Variants in NTM observed in about 807,000 individuals in gnomAD.
NTM encodes IgLON family member 2.
In NTM, 13 loss-of-function variants were observed where a neutral mutation model predicts 42.1. That is an observed-to-expected ratio of 0.31 (90% CI 0.20 to 0.49). The LOEUF is 0.49. Ranked by LOEUF, NTM falls within the 20% of genes least tolerant of loss-of-function variation. NTM has a pLI of 0.99. For missense variants in NTM, 373 were observed against 452.8 expected (o/e 0.82, Z 1.60); for synonymous variants, 187 against 179.2 (o/e 1.04, Z -0.35).
intron 4 of NTM, among the ~76,000 whole-genome samples, chr11:132,224,660 G>A (rs1566517303): frequency 1.3e-5 from 2 of 152,166 alleles, no homozygotes; most frequent in Admixed American, 6.5e-5. Flanking sequence ...CTCTCCATAG[G>A]CCAAGTCTTC....
At chr11:131,492,045 C>T (rs1454913110) in intron 1 of NTM, among the ~76,000 whole-genome samples, 1 of 152,162 alleles carries the variant, frequency 6.6e-6, no homozygotes, top group Non-Finnish European at 1.5e-5. Context: ...GGCATGGAGA[C>T]ATTCAAGAAT....
chr11:131,597,588 C>G (rs909131516), intron 1 of NTM, among the ~76,000 whole-genome samples: 2 of 152,182 alleles, frequency 1.3e-5, no homozygotes, highest in Non-Finnish European at 2.9e-5. Context: ...GCACTGCCCT[C>G]TACCCTTACC....
intron 4 of NTM, among the ~76,000 whole-genome samples, chr11:132,218,837 A>C (rs891783744): frequency 6.6e-6 from 1 of 152,126 alleles, no homozygotes; most frequent in Non-Finnish European, 1.5e-5. Flanking sequence ...GCTACTAACA[A>C]TGACTGCATT....
intron 1 of NTM, among the ~76,000 whole-genome samples, chr11:131,742,207 G>T (rs372963667): frequency 3.3e-5 from 5 of 152,250 alleles, no homozygotes; most frequent in Non-Finnish European, 5.9e-5. Context: ...AGCTGTGCAT[G>T]CACCCCTGAA....
intron 7 of NTM, among the ~76,000 whole-genome samples, chr11:132,321,362 G>C (rs1010685755): frequency 1.3e-4 from 20 of 152,262 alleles, no homozygotes; most frequent in Admixed American, 8.5e-4. Context: ...ACCAAGGCTC[G>C]AGAACTACGT....
Position 132,176,722 on chromosome 11 carries a change from GTTTTT to G in NTM, c.400+30228_400+30232del, listed in dbSNP as rs148699196. ...TCCTAGTTGAGTATACATGCCTAAA[GTTTTT>G]TTTTTTTTTTTTTTTTTTTAGACAG... On this transcript the variant is annotated intron_variant, in intron 3 of 8. Coordinates refer to ENST00000683400, the MANE Select transcript of NTM (RefSeq NM_001352005.2). 1.3e-4 allele frequency among the ~76,000 whole-genome samples: 11 copies of G among 82,014 alleles called. No individual in the cohort carries two copies. The Middle Eastern group carries it at 0.042, about 311-fold the overall frequency. The allele number at this position is 82,014 out of a possible 152,430, so 53.8% of individuals were successfully genotyped here.
At chr11:132,304,314 G>A (rs2094990113) in intron 4 of NTM, among the ~76,000 whole-genome samples, 1 of 152,012 alleles carries the variant, frequency 6.6e-6, no homozygotes, top group African/African-American at 2.4e-5. Context: ...TGTTGACCGT[G>A]AAGTTTCTTT....
chr11:131,729,942 T>C (rs1268835362), intron 1 of NTM, among the ~76,000 whole-genome samples: 1 of 152,204 alleles, frequency 6.6e-6, no homozygotes, highest in Non-Finnish European at 1.5e-5. Context: ...TGTTTTAATT[T>C]CTCTCGGGCA....
intron 2 of NTM, among the ~76,000 whole-genome samples, chr11:132,118,191 A>T (rs766007114): frequency 1.3e-5 from 2 of 152,160 alleles, no homozygotes; most frequent in Non-Finnish European, 2.9e-5. Flanking sequence ...AGTTGAGCAG[A>T]TAAGCTTTTT....
At chr11:131,488,759 CA>C (rs1357580476) in intron 1 of NTM, among the ~76,000 whole-genome samples, 1 of 152,116 alleles carries the variant, frequency 6.6e-6, no homozygotes, top group African/African-American at 2.4e-5. Context: ...AACCAAAATC[CA>C]ATAATCTGTA....
chr11:131,868,707 G>A (rs558586936), intron 1 of NTM, among the ~76,000 whole-genome samples: 4 of 152,106 alleles, frequency 2.6e-5, no homozygotes, highest in Admixed American at 2.6e-4. Context: ...TGTCCTCGTC[G>A]TATTTTATTT....
intron 1 of NTM, among the ~76,000 whole-genome samples, chr11:131,388,607 A>G (rs146816192): frequency 4.9e-4 from 74 of 152,232 alleles, no homozygotes; most frequent in African/African-American, 1.7e-3. Context: ...TTTAATAGGA[A>G]TGTGTATGAG....
intron 7 of NTM, chr11:132,317,570 C>A: frequency 1.3e-6 from 1 of 746,560 alleles, no homozygotes; most frequent in Admixed American, 2.5e-5. Context: ...AGTATACAAA[C>A]TATATATGAC....
chr11:131,964,655 T>C (rs1308019422), intron 2 of NTM, among the ~76,000 whole-genome samples: 1 of 152,198 alleles, frequency 6.6e-6, no homozygotes, highest in African/African-American at 2.4e-5. Context: ...TGGAATCCTG[T>C]TAGGCATCAT....
chr11:132,324,982 A>G (rs2095648145), intron 7 of NTM, among the ~76,000 whole-genome samples: 1 of 151,824 alleles, frequency 6.6e-6, no homozygotes, highest in Non-Finnish European at 1.5e-5. Context: ...GAAAGCTGAA[A>G]CTGGATCCCT....
intron 1 of NTM, among the ~76,000 whole-genome samples, chr11:131,888,061 G>T (rs765111844): frequency 6.6e-6 from 1 of 152,058 alleles, no homozygotes; most frequent in South Asian, 2.1e-4. Flanking sequence ...AATATTTTAC[G>T]AGGCCAAGCT....
intron 1 of NTM, among the ~76,000 whole-genome samples, chr11:131,864,519 G>T (rs2046946557): frequency 6.6e-6 from 1 of 152,202 alleles, no homozygotes; most frequent in East Asian, 1.9e-4. Flanking sequence ...CCAGTGCAAG[G>T]CTCTGAAACC....
intron 1 of NTM, chr11:131,796,171 C>T: frequency 5.1e-6 from 5 of 985,172 alleles, no homozygotes; most frequent in Non-Finnish European, 6.0e-6. Flanking sequence ...AGCCCTCCTG[C>T]AGCTGGGGAA....
At chr11:131,881,999 G>A (rs914320481) in intron 1 of NTM, among the ~76,000 whole-genome samples, 5 of 152,174 alleles carry the variant, frequency 3.3e-5, no homozygotes, top group East Asian at 1.9e-4. Flanking sequence ...AATTAATTGC[G>A]ATTTAGAAAA....
Sources: allele counts gnomAD v4.1 joint callset (sites outside exome capture counted in the v4.1 genomes callset), GRCh38; gene constraint gnomAD v4.1.1; transcripts MANE v1.5; gene names NCBI Gene and HGNC (gene_info 2026-07-23, HGNC 2026-07-21).